SCN3B: variants seen among roughly 807,000 people sequenced by gnomAD.
The protein encoded by SCN3B is sodium voltage-gated channel beta subunit 3.
SCN3B carries 11 observed loss-of-function variants against 25.4 expected under a neutral mutation model. That is an observed-to-expected ratio of 0.43 (90% confidence interval 0.27 to 0.72). The LOEUF is 0.72. Among genes scored for constraint, SCN3B ranks in the 30% least tolerant of loss-of-function variants. The pLI, the probability that SCN3B is intolerant of heterozygous loss-of-function variation, is 0.18. For synonymous variants in SCN3B, 109 were observed against 110.7 expected, an observed-to-expected ratio of 0.99 and a Z score of 0.09; for missense variants, 218 against 278.3, an observed-to-expected ratio of 0.78 and a Z score of 1.54.
In SCN3B at chr11:123,653,681, A is replaced by G. The variant is rs8192616; in HGVS notation, c.55+66T>C. On this transcript the variant is annotated intron_variant, in intron 2 of 6. Coordinates refer to ENST00000299333, the MANE Select transcript of SCN3B (RefSeq NM_001040151.2). Reference sequence around the variant, plus strand: ...CTCTTTTCTGTCACCAACGACATCAATGTGTTATTATTGTTAGCATTGTTA... The same window carrying G: ...CTCTTTTCTGTCACCAACGACATCAGTGTGTTATTATTGTTAGCATTGTTA... 23,109 of 1,560,986 alleles carry G rather than the reference A, an allele frequency of 0.015. 1,326 individuals are homozygous for G. In the Admixed American group the frequency reaches 0.16, roughly 11 times the overall value.
intron 5 of SCN3B, among the ~76,000 whole-genome samples, chr11:123,637,070 A>G (rs1444946254): frequency 2.0e-5 from 3 of 152,178 alleles, no homozygotes; most frequent in Non-Finnish European, 4.4e-5. Flanking sequence ...CAATGTTGCT[A>G]GAAATCTGTG....
intron 6 of SCN3B, 120 bp downstream of exon 6, chr11:123,634,001 G>T: frequency 1.3e-6 from 1 of 762,662 alleles, no homozygotes; most frequent in Non-Finnish European, 2.3e-6. Flanking sequence ...GGGGACCCCA[G>T]GCAGGGTAGA....
At position 123,630,901 on chromosome 11, in the gene SCN3B, C is replaced by T. The variant is rs941056145; in HGVS notation, c.*2898G>A. ...AGCTATGGTCTAAGTGGAAAGAGAA[C>T]TGAAAGAGGAGTCAGAAGACCTGGA... On this transcript the variant is annotated 3_prime_UTR_variant, in exon 7 of 7. Transcript: ENST00000299333. 2 of 152,174 alleles carry T rather than the reference C, an allele frequency of 1.3e-5. No homozygotes were observed. The highest frequency in any genetic ancestry group is 6.5e-5 in the Admixed American group (1 of 15,280). 9.4% of individuals were successfully genotyped at this position (152,174 alleles called of 1,614,324 possible). A position where few individuals can be genotyped will look rare whatever the true frequency, so the allele number is the denominator to read the frequency against.
intron 2 of SCN3B, among the ~76,000 whole-genome samples, chr11:123,651,059 T>A (rs1447715320): frequency 2.0e-5 from 3 of 151,858 alleles, no homozygotes; most frequent in Admixed American, 6.6e-5. Context: ...ATCGTCTGTA[T>A]TAATTTTTTT....
intron 2 of SCN3B, among the ~76,000 whole-genome samples, chr11:123,647,359 C>A (rs1955865417): frequency 1.3e-5 from 2 of 152,212 alleles, no homozygotes; most frequent in South Asian, 4.2e-4. Context: ...TAACACACAA[C>A]TGTAGTCCCA....
At chr11:123,636,385 C>A (rs1207126502) in intron 5 of SCN3B, among the ~76,000 whole-genome samples, 3 of 152,130 alleles carry the variant, frequency 2.0e-5, no homozygotes, top group East Asian at 3.9e-4. Flanking sequence ...CTTTCCAAGT[C>A]TTTTTCTTCC....
intron 5 of SCN3B, among the ~76,000 whole-genome samples, chr11:123,636,735 C>T (rs995986140): frequency 3.3e-5 from 5 of 151,428 alleles, no homozygotes; most frequent in African/African-American, 9.7e-5. Context: ...GCTCTGTCGC[C>T]GAGGCTGGAG....
chr11:123,633,520 G>A lies in SCN3B; in HGVS notation c.*279C>T. 1 of 157,730 alleles carries A rather than the reference G, an allele frequency of 6.3e-6. No homozygotes were observed. The allele number at this position is 157,730 out of a possible 1,614,324, so 9.8% of individuals were successfully genotyped here. A position where few individuals can be genotyped will look rare whatever the true frequency, so the allele number is the denominator to read the frequency against. Reference sequence around the variant, plus strand: ...CCAGTTGGCTTTGGAGTGTCTTGTTGGAAAACTAGGAGAGGGTGAGGTTGA... The same window carrying A: ...CCAGTTGGCTTTGGAGTGTCTTGTTAGAAAACTAGGAGAGGGTGAGGTTGA... On this transcript the variant is annotated 3_prime_UTR_variant, in exon 7 of 7. Coordinates refer to ENST00000299333, the MANE Select transcript of SCN3B (RefSeq NM_001040151.2).
chr11:123,643,861 C>T (rs932654324), intron 3 of SCN3B, among the ~76,000 whole-genome samples: 4 of 152,236 alleles, frequency 2.6e-5, no homozygotes, highest in Non-Finnish European at 5.9e-5. Flanking sequence ...ATTGACGTGT[C>T]ACTGTCACAC....
rs1955670785 is a variant in SCN3B, at chr11:123,631,385, T to C, written c.*2414A>G. The C allele has an allele frequency of 1.3e-5, 2 of 152,182 alleles. No individual in the cohort carries two copies. Among genetic ancestry groups the C allele is most frequent in the Admixed American group, 1.3e-4 (2 of 15,284 alleles). The allele number at this position is 152,182 out of a possible 1,614,324, so 9.4% of individuals were successfully genotyped here. A position where few individuals can be genotyped will look rare whatever the true frequency, so the allele number is the denominator to read the frequency against. ...CTATGGGACTGGAAAAATTTCACAC[T>C]GAGGCCAATTTTTCTAACTATAAAG... is the stretch of plus-strand genomic sequence containing the variant. On this transcript the variant is annotated 3_prime_UTR_variant, in exon 7 of 7. Coordinates refer to ENST00000299333, the MANE Select transcript of SCN3B (RefSeq NM_001040151.2).
Position 123,638,220 on chromosome 11 carries a change from C to A in SCN3B, c.550G>T (p.Val184Phe). The change falls in exon 5 of 7, where the codon GTC (valine) becomes TTC (phenylalanine). Residue 184 changes from valine (V) to phenylalanine (F), a missense_variant. By Grantham distance (50) the Val-to-Phe change is conservative. Coordinates refer to ENST00000299333, the MANE Select transcript of SCN3B (RefSeq NM_001040151.2). ...TGGGCTGCCTCTTCGGCTTTTGAGA[C>A]CTTTCTGTAGCAATATATCATCTCG... The part of the protein sequence containing the change: ...LIEMIYCYRK[V>F]SKAEEAAQEN... 6.2e-7 allele frequency: 1 copy of A among 1,614,144 alleles called. No individual in the cohort carries two copies. Among genetic ancestry groups the A allele is most frequent in the Non-Finnish European group, 8.5e-7 (1 of 1,180,038 alleles).
rs967704236 is a variant in SCN3B at position 123,631,721 on chromosome 11, T to C, written c.*2078A>G. The C allele has an allele frequency of 6.6e-6, 1 of 151,942 alleles. No homozygotes were observed. Among genetic ancestry groups the C allele is most frequent in the Non-Finnish European group, 1.5e-5 (1 of 67,994 alleles). 9.4% of individuals were successfully genotyped at this position (151,942 alleles called of 1,614,324 possible). On this transcript the variant is annotated 3_prime_UTR_variant, in exon 7 of 7. Transcript: ENST00000299333. Reference sequence around the variant, plus strand: ...GTGCATGCCTGTAGTCCCAGTTACCTGGGGGCTGAGGTGGGAGGATTGCTT... The same window carrying C: ...GTGCATGCCTGTAGTCCCAGTTACCCGGGGGCTGAGGTGGGAGGATTGCTT...
At chr11:123,635,384 C>T (rs1955712554) in intron 5 of SCN3B, among the ~76,000 whole-genome samples, 1 of 152,012 alleles carries the variant, frequency 6.6e-6, no homozygotes, top group Non-Finnish European at 1.5e-5. Context: ...TCTGATAGCT[C>T]TGTAAGAAAC....
chr11:123,649,583 ACTGT>A (rs1955896200), intron 2 of SCN3B, among the ~76,000 whole-genome samples: 1 of 149,252 alleles, frequency 6.7e-6, no homozygotes, highest in African/African-American at 2.5e-5. Context: ...TCAGCACACC[ACTGT>A]CTTTCTTTCT....
chr11:123,651,002 T>C (rs529541206), intron 2 of SCN3B, among the ~76,000 whole-genome samples: 2 of 152,188 alleles, frequency 1.3e-5, no homozygotes, highest in South Asian at 4.1e-4. Flanking sequence ...GCAGGAGGAT[T>C]ACTTGAGCCC....
intron 2 of SCN3B, among the ~76,000 whole-genome samples, chr11:123,652,770 C>T (rs1481563541): frequency 6.6e-6 from 1 of 152,078 alleles, no homozygotes; most frequent in East Asian, 1.9e-4. Context: ...ACCACCCCCA[C>T]CCCTGCCATA....
At chr11:123,650,258 T>C (rs1165099352) in intron 2 of SCN3B, among the ~76,000 whole-genome samples, 2 of 152,188 alleles carry the variant, frequency 1.3e-5, no homozygotes, top group Non-Finnish European at 1.5e-5. Flanking sequence ...AGGCAGATAA[T>C]AAAGAATTAT....
intron 2 of SCN3B, among the ~76,000 whole-genome samples, chr11:123,648,319 C>T (rs997668196): frequency 3.9e-5 from 6 of 152,250 alleles, no homozygotes; most frequent in African/African-American, 4.8e-5. Context: ...GTTTATTCAT[C>T]GACATCATGC....
chr11:123,651,504 T>C (rs73031642), intron 2 of SCN3B, among the ~76,000 whole-genome samples: 23,886 of 152,054 alleles, frequency 0.16, 1,969 homozygotes, highest in Admixed American at 0.22. Context: ...GCTGGGATTA[T>C]AGGCACGCAC....
Sources: gnomAD v4.1 joint callset for allele counts (sites outside exome capture counted in the v4.1 genomes callset) on GRCh38, gnomAD v4.1.1 for gene constraint, MANE v1.5 for transcripts, NCBI Gene and HGNC (gene_info 2026-07-23, HGNC 2026-07-21) for gene names.